VTI1A: variants seen among roughly 807,000 people sequenced by gnomAD.
The protein encoded by VTI1A is vesicle transport through interaction with t-SNAREs homolog 1A.
In VTI1A, 22 loss-of-function variants were observed where a neutral mutation model predicts 34.9. The observed-to-expected ratio is 0.63, with a 90% confidence interval of 0.45 to 0.90. The LOEUF is 0.90. Among genes scored for constraint, VTI1A ranks in the 40% least tolerant of loss-of-function variants. The pLI is 0.00. For missense variants in VTI1A, 268 were observed against 275.6 expected (o/e 0.97, Z 0.20); for synonymous variants, 87 against 97.3 (o/e 0.89, Z 0.62).
chr10:112,685,796 T>A (rs138606173), intron 7 of VTI1A, among the ~76,000 whole-genome samples: 21 of 152,302 alleles, frequency 1.4e-4, no homozygotes, highest in Middle Eastern at 3.4e-3. Context: ...CTCGCCTCTG[T>A]CCCAATTCCC....
intron 5 of VTI1A, among the ~76,000 whole-genome samples, chr10:112,645,578 A>G (rs562181513): frequency 6.6e-6 from 1 of 152,318 alleles, no homozygotes; most frequent in Non-Finnish European, 1.5e-5. Flanking sequence ...TACGTAAGAT[A>G]TGAAATGAGG....
At chr10:112,821,849 G>A (rs986784250), downstream of VTI1A, among the ~76,000 whole-genome samples, 10 of 152,126 alleles carry the variant, frequency 6.6e-5, no homozygotes, top group African/African-American at 2.4e-4. Context: ...GTCCCTCCCC[G>A]TGTTTGCACC....
chr10:112,835,051 C>G, the VTI1A span, among the ~76,000 whole-genome samples: 2 of 152,144 alleles, frequency 1.3e-5, no homozygotes, highest in Admixed American at 6.5e-5. Flanking sequence ...AATGGCATGT[C>G]TGAGTCAAAT....
intron 5 of VTI1A, among the ~76,000 whole-genome samples, chr10:112,586,673 C>G (rs992656689): frequency 2.0e-5 from 3 of 152,220 alleles, no homozygotes; most frequent in Non-Finnish European, 4.4e-5. Flanking sequence ...TCTCTGTGTA[C>G]CCCGCTGCCT....
chr10:112,459,185 TTTTATAAAGTCAAGCC>T (rs1176542682), intron 1 of VTI1A, among the ~76,000 whole-genome samples: 1 of 152,216 alleles, frequency 6.6e-6, no homozygotes, highest in African/African-American at 2.4e-5. Flanking sequence ...AAAGTCAAGC[TTTTATAAAGTCAAGCC>T]ATTTCAGTTA....
At chr10:112,697,646 T>C (rs1045482415) in intron 7 of VTI1A, among the ~76,000 whole-genome samples, 7 of 152,120 alleles carry the variant, frequency 4.6e-5, no homozygotes, top group Non-Finnish European at 8.8e-5. Context: ...TCCGCCCACC[T>C]CAGCCTCCCA....
chr10:112,697,866 A>ATGTG (rs67142519), intron 7 of VTI1A, among the ~76,000 whole-genome samples: 12,527 of 134,638 alleles, frequency 0.093, 573 homozygotes, highest in South Asian at 0.12. Context: ...TAGCATTTAC[A>ATGTG]TGTGTGTGTG....
chr10:112,710,986 T>G (rs1196795161), intron 7 of VTI1A, among the ~76,000 whole-genome samples: 1 of 152,232 alleles, frequency 6.6e-6, no homozygotes, highest in Non-Finnish European at 1.5e-5. Context: ...TAATGGGCAG[T>G]TTTAATATTC....
Position 112,805,626 on chromosome 10 carries a change from G to A in VTI1A, c.561-9664G>A, listed in dbSNP as rs574222701. Among the ~76,000 whole-genome samples, 56 of 152,284 alleles carry A rather than the reference G, an allele frequency of 3.7e-4. 1 individual carries two copies. In the South Asian group the frequency reaches 0.01, roughly 28 times the overall value. Reference sequence around the variant, plus strand: ...AAGATGAGGTACGGGAATAGGGTGGGCTCCTAAACCAATGTGACCGGTGTC... The same window carrying A: ...AAGATGAGGTACGGGAATAGGGTGGACTCCTAAACCAATGTGACCGGTGTC... On this transcript the variant is annotated intron_variant, in intron 7 of 7. Transcript: ENST00000393077.
At chr10:112,501,092 C>T (rs556830082) in intron 3 of VTI1A, among the ~76,000 whole-genome samples, 2 of 152,244 alleles carry the variant, frequency 1.3e-5, no homozygotes, top group East Asian at 3.9e-4. Context: ...CTGGTATCAT[C>T]GAGGAGCTCA....
chr10:112,681,360 C>A (rs372417406), intron 7 of VTI1A, among the ~76,000 whole-genome samples: 65 of 152,292 alleles, frequency 4.3e-4, no homozygotes, highest in African/African-American at 1.5e-3. Flanking sequence ...AGATTGCAAG[C>A]ATGAACCACT....
chr10:112,811,712 A>AAAAAAAAAAAAAAAAAAAGAT lies in VTI1A; in HGVS notation c.561-3578_561-3577insAAAAAAAAAAAAAAAAAAGAT, dbSNP rs67154330. ...AAAAAAAAAAAAAAAAAAAAAAAAAAGAGTGCAGTCCATGCCTGGAAGTAG... is the reference window on the plus strand; with the variant it reads ...AAAAAAAAAAAAAAAAAAAAAAAAAAAAAAAAAAAAAAAAAAAAGATGAGTGCAGTCCATGCCTGGAAGTAG... On this transcript the variant is annotated intron_variant, in intron 7 of 7. Transcript: ENST00000393077. Among the ~76,000 whole-genome samples, 18 of 84,046 alleles carry AAAAAAAAAAAAAAAAAAAGAT rather than the reference A, an allele frequency of 2.1e-4. 7 individuals carry two copies. Among genetic ancestry groups the AAAAAAAAAAAAAAAAAAAGAT allele is most frequent in the African/African-American group, 6.2e-4 (13 of 21,078 alleles). 55.1% of individuals were successfully genotyped at this position (84,046 alleles called of 152,430 possible).
chr10:112,707,835 T>C (rs1469364178), intron 7 of VTI1A, among the ~76,000 whole-genome samples: 1 of 152,222 alleles, frequency 6.6e-6, no homozygotes. Flanking sequence ...TCTGCCAGAA[T>C]TATTTATTTG....
chr10:112,804,377 C>G (rs1460388606), intron 7 of VTI1A, among the ~76,000 whole-genome samples: 1 of 152,254 alleles, frequency 6.6e-6, no homozygotes, highest in Non-Finnish European at 1.5e-5. Context: ...CTTCTCCAGC[C>G]TCTGACAACC....
chr10:112,473,431 G>A (rs1444277340), intron 3 of VTI1A, among the ~76,000 whole-genome samples: 2 of 152,006 alleles, frequency 1.3e-5, no homozygotes, highest in African/African-American at 4.8e-5. Flanking sequence ...TTAAATAAAA[G>A]ATTGTAACAT....
At chr10:112,591,850 C>T (rs1844402813) in intron 5 of VTI1A, among the ~76,000 whole-genome samples, 1 of 152,118 alleles carries the variant, frequency 6.6e-6, no homozygotes, top group Non-Finnish European at 1.5e-5. Flanking sequence ...AAGTAACAGA[C>T]CTGAAGTTAG....
chr10:112,604,837 TAC>T (rs1845014760), intron 5 of VTI1A, among the ~76,000 whole-genome samples: 1 of 152,200 alleles, frequency 6.6e-6, no homozygotes, highest in Non-Finnish European at 1.5e-5. Flanking sequence ...GATCACTGAG[TAC>T]AGTTTTACTC....
At chr10:112,837,188 G>T in the VTI1A span, among the ~76,000 whole-genome samples, 2 of 152,194 alleles carry the variant, frequency 1.3e-5, no homozygotes, top group Admixed American at 1.3e-4. Flanking sequence ...AGTGTGGTGT[G>T]TGGTGGTGCA....
chr10:112,732,559 T>G (rs1485526130), intron 7 of VTI1A, among the ~76,000 whole-genome samples: 1 of 151,676 alleles, frequency 6.6e-6, no homozygotes, highest in East Asian at 2.0e-4. Context: ...TTCTTTGCAA[T>G]GTTCTTCATG....
Sources: allele counts gnomAD v4.1 joint callset (sites outside exome capture counted in the v4.1 genomes callset), GRCh38; gene constraint gnomAD v4.1.1; transcripts MANE v1.5; gene names NCBI Gene and HGNC (gene_info 2026-07-23, HGNC 2026-07-21).